Variants in PLXNA1 observed in about 807,000 individuals in gnomAD.
PLXNA1 encodes the protein plexin-A1.
Under a neutral mutation model 191.7 loss-of-function variants are expected in PLXNA1, and 77 were observed. That is an observed-to-expected ratio of 0.40 (90% CI 0.33 to 0.49). PLXNA1 has a LOEUF of 0.49. Ranked by LOEUF, PLXNA1 falls within the 20% of genes least tolerant of loss-of-function variation. The probability of loss-of-function intolerance (pLI) is 0.63; values close to 1 mark genes in which losing one functional copy is unlikely to be tolerated. For synonymous variants in PLXNA1, 1,137 were observed against 1,156.4 expected, an observed-to-expected ratio of 0.98 and a Z score of 0.34; for missense variants, 2,110 against 2,660.2, an observed-to-expected ratio of 0.79 and a Z score of 4.55.
Position 127,018,340 on chromosome 3 carries a change from A to C in PLXNA1, c.3707A>C (p.Tyr1236Ser). 6.2e-7 allele frequency: 1 copy of C among 1,612,608 alleles called. No individual in the cohort carries two copies. The highest frequency in any genetic ancestry group is 8.5e-7 in the Non-Finnish European group (1 of 1,179,870). The change falls in exon 20 of 32, where the codon TAC (tyrosine) becomes TCC (serine). Residue 1236 changes from tyrosine (Y) to serine (S), a missense_variant. By Grantham distance (144) the Tyr-to-Ser change is moderately radical. This residue lies in a region of PLXNA1 where 559 missense variants were observed against 911.5 expected (regional missense o/e 0.61). Coordinates refer to ENST00000393409, the MANE Select transcript of PLXNA1 (RefSeq NM_032242.4). ...FEFSPGTLQV[Y>S]SDSLLTLPAI... is the part of the protein sequence containing the mutation. ...TTCTCGCCAGGGACACTGCAGGTGT[A>C]CTCGGACAGCCTGCTGACGCTGCCT...
chr3:127,027,302 G>A (rs1208108481), intron 23 of PLXNA1: 1 of 279,940 alleles, frequency 3.6e-6, no homozygotes, highest in Non-Finnish European at 6.9e-6. Flanking sequence ...TGAGGGCCCG[G>A]GGCTGTGCTG....
intron 23 of PLXNA1, chr3:127,027,606 G>A (rs1209294052): frequency 2.1e-6 from 1 of 480,630 alleles, no homozygotes; most frequent in South Asian, 1.6e-5. Flanking sequence ...TGAGACCAGG[G>A]GAGACTTCTG....
intron 1 of PLXNA1, among the ~76,000 whole-genome samples, chr3:126,983,968 G>A (rs1361168127): frequency 6.6e-6 from 1 of 152,196 alleles, no homozygotes; most frequent in Non-Finnish European, 1.5e-5. Flanking sequence ...GGTGGGCTCT[G>A]GGTGCCGCCC....
chr3:126,983,205 C>T lies in PLXNA1; in HGVS notation c.-156C>T, dbSNP rs1189790122. 6.9e-6 allele frequency among the ~76,000 whole-genome samples: 1 copy of T among 143,992 alleles called. No individual in the cohort carries two copies. The highest frequency in any genetic ancestry group is 1.5e-5 in the Non-Finnish European group (1 of 64,994). The allele number at this position is 143,992 out of a possible 152,430, so 94.5% of individuals were successfully genotyped here. On this transcript the variant is annotated 5_prime_UTR_variant, in exon 1 of 32. Coordinates refer to ENST00000393409, the MANE Select transcript of PLXNA1 (RefSeq NM_032242.4). The stretch of plus-strand genomic sequence containing the variant: ...GGGCGGCCTACGCGGCTTCGGCGGC[C>T]CCGCGGCGGGGCGGACGGCGGCGGC...
At chr3:127,004,224 C>T (rs1041962696) in intron 4 of PLXNA1, among the ~76,000 whole-genome samples, 1 of 152,230 alleles carries the variant, frequency 6.6e-6, no homozygotes, top group Admixed American at 6.5e-5. Context: ...TGGGGCCCAG[C>T]CTGCCCCTCT....
intron 17 of PLXNA1, 115 bp downstream of exon 17, chr3:127,017,152 A>T (rs2079127960): frequency 9.3e-7 from 1 of 1,078,534 alleles, no homozygotes; most frequent in Non-Finnish European, 1.3e-6. Context: ...TTCCCAGCTT[A>T]TGCCAACCTT....
At position 127,037,265 on chromosome 3, in the gene PLXNA1, C is replaced by T. The variant is rs1252510480; in HGVS notation, c.*3248C>T. 2.0e-5 allele frequency: 3 copies of T among 152,636 alleles called. No individual in the cohort carries two copies. The highest frequency in any genetic ancestry group is 2.9e-5 in the Non-Finnish European group (2 of 68,050). The allele number at this position is 152,636 out of a possible 1,614,324, so 9.5% of individuals were successfully genotyped here. A position where few individuals can be genotyped will look rare whatever the true frequency, so the allele number is the denominator to read the frequency against. On this transcript the variant is annotated 3_prime_UTR_variant, in exon 32 of 32. Coordinates refer to ENST00000393409, the MANE Select transcript of PLXNA1 (RefSeq NM_032242.4). ...GCCGGGCTCTTTGCAGAAGCAGCAC[C>T]GCTGACTGTGGGCCCGGCCCTCAGA...
In PLXNA1 at chr3:126,989,829, C is replaced by T. The variant is rs373684769; in HGVS notation, c.1194+42C>T. On this transcript the variant is annotated intron_variant, in intron 2 of 31. Transcript: ENST00000393409. ...CGCCCCTCCTCCCGCGGCCCCATCC[C>T]CTCCAGGGACGACGGCATCGGTGTC... The T allele has an allele frequency of 1.3e-4, 199 of 1,497,104 alleles. No homozygotes were observed. The African/African-American group carries it at 2.6e-3, about 19-fold the overall frequency. 92.7% of individuals were successfully genotyped at this position (1,497,104 alleles called of 1,614,324 possible). A position where few individuals can be genotyped will look rare whatever the true frequency, so the allele number is the denominator to read the frequency against.
intron 19 of PLXNA1, 139 bp downstream of exon 19, chr3:127,018,031 C>T: frequency 8.1e-7 from 1 of 1,227,714 alleles, no homozygotes; most frequent in Non-Finnish European, 1.1e-6. Context: ...AGTGCAGGCC[C>T]TGCCGTAGCC....
intron 9 of PLXNA1, among the ~76,000 whole-genome samples, chr3:127,009,164 T>C (rs2079083564): frequency 1.3e-5 from 2 of 151,972 alleles, no homozygotes; most frequent in Non-Finnish European, 2.9e-5. Context: ...CAGCCCAGGG[T>C]TCGAGCAGTG....
intron 21 of PLXNA1, among the ~76,000 whole-genome samples, chr3:127,021,173 TG>T (rs1467229049): frequency 2.0e-5 from 3 of 152,220 alleles, no homozygotes; most frequent in Non-Finnish European, 4.4e-5. Flanking sequence ...CTTCCCGCCT[TG>T]GGCCCTGGGC....
In PLXNA1 at chr3:127,022,792, A is replaced by G; in HGVS notation, c.4336A>G (p.Thr1446Ala). 1.2e-6 allele frequency: 2 copies of G among 1,614,024 alleles called. No individual in the cohort carries two copies. Among genetic ancestry groups the G allele is most frequent in the Non-Finnish European group, 1.7e-6 (2 of 1,179,978 alleles). ...AGAGAAGATGCTAACTAACTGGTTC[A>G]CCTTCCTCTTGTATAAGTTCCTCAA... Reference protein sequence around the residue: ...VAEKMLTNWFTFLLYKFLKEC... With the variant: ...VAEKMLTNWFAFLLYKFLKEC... The change falls in exon 23 of 32, where the codon ACC (threonine) becomes GCC (alanine). Residue 1446 changes from threonine to alanine, a missense_variant. Coordinates refer to ENST00000393409, the MANE Select transcript of PLXNA1 (RefSeq NM_032242.4).
chr3:127,014,798 C>A lies in PLXNA1; in HGVS notation c.2844C>A (p.Tyr948Ter). 6.2e-7 allele frequency: 1 copy of A among 1,612,780 alleles called. No individual in the cohort carries two copies. The highest frequency in any genetic ancestry group is 8.5e-7 in the Non-Finnish European group (1 of 1,179,922). The change falls in exon 14 of 32, where the codon TAC becomes TAA. Residue 948 changes from tyrosine (Y) to a stop codon, truncating the protein, a stop_gained. Coordinates refer to ENST00000393409, the MANE Select transcript of PLXNA1 (RefSeq NM_032242.4). LOFTEE classifies it high-confidence loss of function. ...GTGTGCGGGACTGCTCACCACACTA[C>A]CGCGCCCTGTCACCCAAGCGCTTCA... is the stretch of plus-strand genomic sequence containing the variant. ...EVCVRDCSPHYRALSPKRFTF... is the reference protein window; with the variant it reads ...EVCVRDCSPH
chr3:127,015,577 A>G (rs2079118863), intron 15 of PLXNA1, among the ~76,000 whole-genome samples: 2 of 152,216 alleles, frequency 1.3e-5, no homozygotes, highest in Admixed American at 1.3e-4. Context: ...CCTGTGGGGA[A>G]GGGGGGAATC....
chr3:126,990,403 C>A (rs1405492650), intron 2 of PLXNA1, among the ~76,000 whole-genome samples: 1 of 152,260 alleles, frequency 6.6e-6, no homozygotes, highest in Non-Finnish European at 1.5e-5. Context: ...GCCACAGCCC[C>A]CAGCACCCAT....
chr3:126,991,673 G>A (rs1319169017), intron 3 of PLXNA1, 107 bp downstream of exon 3: 1 of 1,225,474 alleles, frequency 8.2e-7, no homozygotes, highest in East Asian at 2.7e-5. Context: ...TGGGAGGCTA[G>A]ATCTGGCGTA....
At chr3:126,997,742 T>C (rs1003029179) in intron 3 of PLXNA1, among the ~76,000 whole-genome samples, 1 of 152,226 alleles carries the variant, frequency 6.6e-6, no homozygotes, top group African/African-American at 2.4e-5. Context: ...GAGCTGGTGG[T>C]GTGCGAGGGT....
At chr3:126,992,122 G>A (rs56037455) in intron 3 of PLXNA1, among the ~76,000 whole-genome samples, 15,841 of 152,256 alleles carry the variant, frequency 0.1, 902 homozygotes, top group Middle Eastern at 0.22. Flanking sequence ...CGGTGGCAGG[G>A]GGAGGGCTAG....
chr3:127,029,277 C>T (rs2079193743), intron 26 of PLXNA1, among the ~76,000 whole-genome samples, 163 bp from the exon 27 acceptor site: 1 of 152,178 alleles, frequency 6.6e-6, no homozygotes, highest in African/African-American at 2.4e-5. Flanking sequence ...GTGGGATTGC[C>T]TAGCATCCCT....
Sources: allele counts gnomAD v4.1 joint callset (sites outside exome capture counted in the v4.1 genomes callset), GRCh38; gene constraint gnomAD v4.1.1; regional missense constraint gnomAD v4.1.1; transcripts MANE v1.5; gene names NCBI Gene and HGNC (gene_info 2026-07-23, HGNC 2026-07-21).